The following TMEM231 variants were observed in gnomAD, a reference collection of about 807,000 sequenced individuals.
The protein encoded by TMEM231 is transmembrane protein 231.
In TMEM231, 40 loss-of-function variants were observed where a neutral mutation model predicts 38.5. That is an observed-to-expected ratio of 1.04 (90% confidence interval 0.81 to 1.35). The LOEUF is 1.35. TMEM231 is among the 40% of genes most tolerant of loss of function. The pLI is 0.00. For synonymous variants in TMEM231, 199 were observed against 181.7 expected (o/e 1.10, Z -0.77); for missense variants, 420 against 416.9 (o/e 1.01, Z -0.07).
At chr16:75,544,507 G>T (rs947213941) in intron 4 of TMEM231, among the ~76,000 whole-genome samples, 3 of 152,164 alleles carry the variant, frequency 2.0e-5, no homozygotes, top group Non-Finnish European at 2.9e-5. Flanking sequence ...GGCAGTGATG[G>T]GACAAGTGGC....
Position 75,555,821 on chromosome 16 carries a change from G to A in TMEM231, c.292C>T (p.Arg98Cys), listed in dbSNP as rs865990160. 1 of 1,552,062 alleles carries A rather than the reference G, an allele frequency of 6.4e-7. No homozygotes were observed. The highest frequency in any genetic ancestry group is 8.7e-7 in the Non-Finnish European group (1 of 1,147,964). The change falls in exon 2 of 7, where the codon CGC (arginine) becomes TGC (cysteine). Residue 98 changes from arginine to cysteine, a missense_variant. Arg to Cys is a radical substitution (Grantham distance 180, BLOSUM62 -3). Transcript: ENST00000258173. Reference protein sequence around the residue: ...AFNRLQGDRLRVPLVSTREED... With the variant: ...AFNRLQGDRLCVPLVSTREED... ...CCACGCACCGAAACGAGCGGGACGCGCAGGCGATCCCCTTGCAGCCGGTTG... is the reference window on the plus strand; with the variant it reads ...CCACGCACCGAAACGAGCGGGACGCACAGGCGATCCCCTTGCAGCCGGTTG...
intron 2 of TMEM231, among the ~76,000 whole-genome samples, chr16:75,553,621 C>CAAAAA (rs60225459): frequency 2.2e-5 from 2 of 91,602 alleles, no homozygotes; most frequent in Admixed American, 1.3e-4. Context: ...AACTCTGTTG[C>CAAAAA]AAAAAAAAAA....
chr16:75,540,509 G>C (rs762908678), intron 6 of TMEM231, among the ~76,000 whole-genome samples: 1 of 152,158 alleles, frequency 6.6e-6, no homozygotes, highest in Non-Finnish European at 1.5e-5. Flanking sequence ...CTTAGCCCCT[G>C]CCTAATTGCA....
At chr16:75,553,616 T>A (rs146577349) in intron 2 of TMEM231, among the ~76,000 whole-genome samples, 140 of 132,066 alleles carry the variant, frequency 1.1e-3, no homozygotes, top group African/African-American at 4.2e-3. Flanking sequence ...AGTGAAACTC[T>A]GTTGCAAAAA....
intron 2 of TMEM231, among the ~76,000 whole-genome samples, chr16:75,554,178 T>G (rs540202429): frequency 2.0e-4 from 30 of 152,338 alleles, no homozygotes; most frequent in African/African-American, 7.0e-4. Flanking sequence ...GTTTTCTATG[T>G]ACTTATACCA....
At position 75,538,894 on chromosome 16, in the gene TMEM231, G is replaced by A. The variant is rs142396278; in HGVS notation, c.*1100C>T. On this transcript the variant is annotated 3_prime_UTR_variant, in exon 7 of 7. Transcript: ENST00000258173. ...CGAGGGTAATCCACTGGACTGCTTG[G>A]TATTCTGCTAGTGGCCAGGCTGGAC... The A allele has an allele frequency of 2.0e-5, 3 of 152,384 alleles. No individual in the cohort carries two copies. The highest frequency in any genetic ancestry group is 2.9e-5 in the Non-Finnish European group (2 of 68,070). 9.4% of individuals were successfully genotyped at this position (152,384 alleles called of 1,614,324 possible). A position where few individuals can be genotyped will look rare whatever the true frequency, so the allele number is the denominator to read the frequency against.
intron 2 of TMEM231, among the ~76,000 whole-genome samples, chr16:75,549,720 T>C (rs1041470346): frequency 2.0e-5 from 3 of 152,184 alleles, no homozygotes; most frequent in Non-Finnish European, 4.4e-5. Context: ...TTTTTTGTTT[T>C]TTTTTTGAGA....
At chr16:75,552,559 A>G (rs1410030784) in intron 2 of TMEM231, among the ~76,000 whole-genome samples, 1 of 152,212 alleles carries the variant, frequency 6.6e-6, no homozygotes, top group African/African-American at 2.4e-5. Flanking sequence ...TGTTTTTAAA[A>G]GCCTCTCAAA....
At chr16:75,543,673 A>C (rs2080651956) in intron 4 of TMEM231, among the ~76,000 whole-genome samples, 1 of 152,222 alleles carries the variant, frequency 6.6e-6, no homozygotes, top group Admixed American at 6.5e-5. Context: ...CTGGGTGCTA[A>C]GTTCTTTATC....
At chr16:75,541,324 C>A in intron 6 of TMEM231, 26 bp downstream of exon 6, 1 of 1,555,502 alleles carries the variant, frequency 6.4e-7, no homozygotes, top group Admixed American at 1.8e-5. Flanking sequence ...CCAGCCTTAA[C>A]ATGGACTCTT....
chr16:75,548,352 C>T (rs918405754), intron 2 of TMEM231, among the ~76,000 whole-genome samples: 2 of 152,118 alleles, frequency 1.3e-5, no homozygotes, highest in African/African-American at 4.8e-5. Context: ...GGCACAACAC[C>T]ATCAATAGTG....
Position 75,539,106 on chromosome 16 carries a change from C to T in TMEM231, c.*888G>A, listed in dbSNP as rs529952725. ...AGCGGGAGCCAATCCCAACACCAAC[C>T]CCTGTCGCCCCTGTCCTTTGCAGGA... On this transcript the variant is annotated 3_prime_UTR_variant, in exon 7 of 7. Coordinates refer to ENST00000258173, the MANE Select transcript of TMEM231 (RefSeq NM_001077418.3). 66 of 151,878 alleles carry T rather than the reference C, an allele frequency of 4.3e-4. No individual in the cohort carries two copies. Among genetic ancestry groups the T allele is most frequent in the Non-Finnish European group, 6.9e-4 (47 of 67,986 alleles). The allele number at this position is 151,878 out of a possible 1,614,324, so 9.4% of individuals were successfully genotyped here.
Position 75,542,640 on chromosome 16 carries a change from T to C in TMEM231, c.626A>G (p.Asp209Gly). 1 of 1,613,816 alleles carries C rather than the reference T, an allele frequency of 6.2e-7. No homozygotes were observed. Among genetic ancestry groups the C allele is most frequent in the East Asian group, 2.2e-5 (1 of 44,866 alleles). Residue 209 changes from aspartate to glycine, a missense_variant, in exon 5 of 7, where the codon GAC becomes GGC. Asp to Gly is a moderately conservative substitution (Grantham distance 94). Coordinates refer to ENST00000258173, the MANE Select transcript of TMEM231 (RefSeq NM_001077418.3). ...NGTSPFAYDY[D>G]LTHIVAAYQE... The stretch of plus-strand genomic sequence containing the variant: ...GTAGGCAGCAACAATATGGGTGAGG[T>C]CGTAGTCATAGGCAAAGGGGCTGGT...
chr16:75,542,434 G>A, intron 5 of TMEM231, 168 bp downstream of exon 5: 1 of 667,192 alleles, frequency 1.5e-6, no homozygotes, highest in Non-Finnish European at 2.7e-6. Flanking sequence ...CAGGTCTGAA[G>A]ATCAGGACGA....
rs1203292813 is a variant in TMEM231 at position 75,539,377 on chromosome 16, T to C, written c.*617A>G. 1 of 152,256 alleles carries C rather than the reference T, an allele frequency of 6.6e-6. No individual in the cohort carries two copies. Among genetic ancestry groups the C allele is most frequent in the African/African-American group, 2.4e-5 (1 of 41,468 alleles). The allele number at this position is 152,256 out of a possible 1,614,324, so 9.4% of individuals were successfully genotyped here. ...GCTGAGCTGATGACAGATGACTGAC[T>C]GTTGGGCTGGGGCAGGTGGACGGTC... On this transcript the variant is annotated 3_prime_UTR_variant, in exon 7 of 7. Transcript: ENST00000258173.
intron 2 of TMEM231, among the ~76,000 whole-genome samples, chr16:75,547,260 T>C (rs2080704369): frequency 6.6e-6 from 1 of 152,226 alleles, no homozygotes; most frequent in South Asian, 2.1e-4. Context: ...CCATTACTAT[T>C]ACGTAAGGAA....
In TMEM231 at chr16:75,556,226, C is replaced by A. The variant is rs768513169; in HGVS notation, c.-17G>T. 7 of 1,392,748 alleles carry A rather than the reference C, an allele frequency of 5.0e-6. No individual in the cohort carries two copies. In the East Asian group the frequency reaches 1.2e-4, roughly 23 times the overall value. The allele number at this position is 1,392,748 out of a possible 1,614,324, so 86.3% of individuals were successfully genotyped here. A position where few individuals can be genotyped will look rare whatever the true frequency, so the allele number is the denominator to read the frequency against. ...GAGCGCCATGAGCACCGCTCGCAGG[C>A]ACTCCGCGAGCCGGGGGACCAAGTT... On this transcript the variant is annotated 5_prime_UTR_variant, in exon 1 of 7. Transcript: ENST00000258173.
chr16:75,537,121 C>CA lies in TMEM231; in HGVS notation c.*2872dup, dbSNP rs35767878. On this transcript the variant is annotated 3_prime_UTR_variant, in exon 7 of 7. Coordinates refer to ENST00000258173, the MANE Select transcript of TMEM231 (RefSeq NM_001077418.3). ...TGGGTAACAGAGTGAGACTCTGTCT[C>CA]AAAAAAAAAAAAAAAAAAGAAAAAG... 14,889 of 106,754 alleles carry CA rather than the reference C, an allele frequency of 0.14. 1,097 individuals carry two copies. The highest frequency in any genetic ancestry group is 0.22 in the Middle Eastern group (49 of 218). 6.6% of individuals were successfully genotyped at this position (106,754 alleles called of 1,614,324 possible). A position where few individuals can be genotyped will look rare whatever the true frequency, so the allele number is the denominator to read the frequency against.
chr16:75,549,621 T>G (rs1263052403), intron 2 of TMEM231, among the ~76,000 whole-genome samples: 1 of 152,190 alleles, frequency 6.6e-6, no homozygotes, highest in Non-Finnish European at 1.5e-5. Flanking sequence ...GAACTCTAAC[T>G]GAAAAGATTT....
Sources: gnomAD v4.1 joint callset for allele counts (sites outside exome capture counted in the v4.1 genomes callset) on GRCh38, gnomAD v4.1.1 for gene constraint, MANE v1.5 for transcripts, NCBI Gene and HGNC (gene_info 2026-07-23, HGNC 2026-07-21) for gene names.